The following FBRSL1 variants were observed in gnomAD, a reference collection of about 807,000 sequenced individuals.
FBRSL1 encodes fibrosin like 1.
A neutral mutation model predicts 89.6 loss-of-function variants in FBRSL1; 51 were observed. The ratio of observed to expected loss-of-function variants is 0.57; its 90% CI spans 0.45 to 0.72. The LOEUF is 0.72. FBRSL1 is among the 30% of genes least tolerant of loss of function. The pLI is 0.00. For synonymous variants in FBRSL1, 779 were observed against 681.1 expected, an observed-to-expected ratio of 1.14 and a Z score of -2.24; for missense variants, 1,618 against 1,451.8, an observed-to-expected ratio of 1.11 and a Z score of -1.86.
At chr12:132,530,482 G>A (rs141385942) in intron 4 of FBRSL1, among the ~76,000 whole-genome samples, 1 of 151,842 alleles carries the variant, frequency 6.6e-6, no homozygotes, top group Non-Finnish European at 1.5e-5. Context: ...TTGCTGGTGA[G>A]GTGTGCACGT....
intron 2 of FBRSL1, among the ~76,000 whole-genome samples, chr12:132,522,006 GGGGTGT>G (rs1452012977): frequency 6.6e-6 from 1 of 152,162 alleles, no homozygotes; most frequent in African/African-American, 2.4e-5. Flanking sequence ...GTGGTAGAGA[GGGGTGT>G]GGGTGTGTGT....
intron 18 of FBRSL1, among the ~76,000 whole-genome samples, chr12:132,582,695 G>GC (rs1039715511): frequency 6.6e-6 from 1 of 152,040 alleles, no homozygotes; most frequent in Non-Finnish European, 1.5e-5. Flanking sequence ...CTGCCGGGAG[G>GC]CCCCCCTGTC....
intron 5 of FBRSL1, chr12:132,551,588 C>T (rs1319346679): frequency 1.8e-5 from 8 of 456,138 alleles, no homozygotes; most frequent in Non-Finnish European, 3.5e-5. Flanking sequence ...TCCCACCTGG[C>T]CAGCCACCCC....
chr12:132,538,030 G>C (rs929609598), intron 4 of FBRSL1, among the ~76,000 whole-genome samples: 1 of 152,170 alleles, frequency 6.6e-6, no homozygotes, highest in African/African-American at 2.4e-5. Flanking sequence ...GCTGGGACTC[G>C]AAGAAGAGCA....
Position 132,567,513 on chromosome 12 carries a change from G to A in FBRSL1, c.678G>A (p.Pro226=), listed in dbSNP as rs116574820. 2,923 of 1,551,052 alleles carry A rather than the reference G, an allele frequency of 1.9e-3. 50 individuals are homozygous for A. In the African/African-American group the frequency reaches 0.035, roughly 19 times the overall value. The change falls in exon 6 of 19, where the codon CCG becomes CCA. Residue 226 remains proline, a synonymous_variant. Coordinates refer to ENST00000680143, the MANE Select transcript of FBRSL1 (RefSeq NM_001367871.1). ...TGGGCTCTGAGAAGCTCTTTGCGCC[G>A]GGAACCGATAAAGGTAAGTGGGTCC... ...ASVGSEKLFA[P]GTDKGPALEK...
chr12:132,558,000 T>C (rs2038813485), intron 5 of FBRSL1, among the ~76,000 whole-genome samples: 1 of 151,658 alleles, frequency 6.6e-6, no homozygotes. Flanking sequence ...TGAGCTAGGG[T>C]TCTGCCTGAG....
chr12:132,490,373 A>T lies in FBRSL1; in HGVS notation c.-198A>T. ...CCCAGCCGCCCGCGCCGGGGGTCCCAGGCCGCGCCGGGCCCGGGGCTGAGC... is the reference window on the plus strand; with the variant it reads ...CCCAGCCGCCCGCGCCGGGGGTCCCTGGCCGCGCCGGGCCCGGGGCTGAGC... On this transcript the variant is annotated 5_prime_UTR_variant, in exon 1 of 19. Transcript: ENST00000680143. 5.8e-6 allele frequency: 1 copy of T among 173,654 alleles called. No individual in the cohort carries two copies. The highest frequency in any genetic ancestry group is 1.0e-5 in the Non-Finnish European group (1 of 96,498). 10.8% of individuals were successfully genotyped at this position (173,654 alleles called of 1,614,324 possible).
At chr12:132,521,404 G>A (rs1453659002) in intron 2 of FBRSL1, among the ~76,000 whole-genome samples, 1 of 152,228 alleles carries the variant, frequency 6.6e-6, no homozygotes, top group African/African-American at 2.4e-5. Flanking sequence ...ACTAGGGGGT[G>A]TGGGGGCCTG....
chr12:132,551,788 T>C (rs2038186992), intron 5 of FBRSL1: 1 of 352,590 alleles, frequency 2.8e-6, no homozygotes, highest in Non-Finnish European at 5.7e-6. Flanking sequence ...CACTGCCAGA[T>C]GGCCCCTTCG....
At chr12:132,518,788 GTC>G (rs948610924) in intron 2 of FBRSL1, among the ~76,000 whole-genome samples, 8 of 138,532 alleles carry the variant, frequency 5.8e-5, no homozygotes, top group African/African-American at 2.0e-4. Context: ...CCATCTACCT[GTC>G]TGTCCATCCA....
At chr12:132,551,015 C>G (rs1367550094) in intron 5 of FBRSL1, 4 of 255,316 alleles carry the variant, frequency 1.6e-5, no homozygotes, top group Non-Finnish European at 2.4e-5. Context: ...GTCCCCAGCC[C>G]TCCTCCCTAC....
chr12:132,578,343 T>TCACACACACACACACACACATA (rs1555290111), intron 15 of FBRSL1, among the ~76,000 whole-genome samples: 7 of 141,008 alleles, frequency 5.0e-5, no homozygotes, highest in Non-Finnish European at 9.2e-5. Context: ...AGACCCTGTC[T>TCACACACACACACACACACATA]CACACACACA....
chr12:132,580,949 G>A, intron 15 of FBRSL1: 1 of 985,442 alleles, frequency 1.0e-6, no homozygotes, highest in Non-Finnish European at 1.2e-6. Context: ...TGGTGCTGTG[G>A]GCTGGGCCTG....
chr12:132,562,885 G>A (rs1310562992), intron 5 of FBRSL1, among the ~76,000 whole-genome samples: 1 of 152,108 alleles, frequency 6.6e-6, no homozygotes, highest in Non-Finnish European at 1.5e-5. Flanking sequence ...GGTCTTCTCT[G>A]ATACGTTGAT....
At chr12:132,490,943 TGGGCTTGCGAC>T in intron 1 of FBRSL1, 82 bp downstream of exon 1, 1 of 1,060,362 alleles carries the variant, frequency 9.4e-7, no homozygotes. Context: ...CCGGGACCCC[TGGGCTTGCGAC>T]CGCCCGCGCC....
At chr12:132,559,168 C>T (rs1245965218) in intron 5 of FBRSL1, among the ~76,000 whole-genome samples, 1 of 152,236 alleles carries the variant, frequency 6.6e-6, no homozygotes, top group Non-Finnish European at 1.5e-5. Flanking sequence ...CTGTCCCTCC[C>T]GGCCACCTCA....
Position 132,574,525 on chromosome 12 carries a change from G to A in FBRSL1, c.1662G>A (p.Gln554=). Residue 554 remains glutamine (Q), a synonymous_variant, in exon 14 of 19, where the codon CAG becomes CAA. Transcript: ENST00000680143. ...KPGRWCAVHV[Q]IAWQIYRHQQ... ...GGAGGTGGTGTGCCGTGCACGTGCA[G>A]ATCGCCTGGCAGATCTACCGTCACC... is the stretch of plus-strand genomic sequence containing the variant. The A allele has an allele frequency of 1.9e-6, 3 of 1,550,304 alleles. No homozygotes were observed. Among genetic ancestry groups the A allele is most frequent in the Non-Finnish European group, 2.6e-6 (3 of 1,146,860 alleles).
intron 16 of FBRSL1, 85 bp downstream of exon 16, chr12:132,581,601 G>A (rs2040753584): frequency 6.6e-7 from 1 of 1,508,622 alleles, no homozygotes; most frequent in Non-Finnish European, 9.0e-7. Flanking sequence ...CGGGAAGGTG[G>A]CCCCGAGCCC....
chr12:132,551,628 A>G (rs1405893961), intron 5 of FBRSL1: 23 of 454,770 alleles, frequency 5.1e-5, no homozygotes, highest in Non-Finnish European at 4.4e-6. Context: ...TCTCCTGCCA[A>G]TCAAGGTGGA....
Sources: allele counts gnomAD v4.1 joint callset (sites outside exome capture counted in the v4.1 genomes callset), GRCh38; gene constraint gnomAD v4.1.1; transcripts MANE v1.5; gene names NCBI Gene and HGNC (gene_info 2026-07-23, HGNC 2026-07-21).